KIF16B: variants seen among roughly 807,000 people sequenced by gnomAD.
The protein encoded by KIF16B is kinesin-like protein KIF16B.
KIF16B carries 98 observed loss-of-function variants against 156.3 expected under a neutral mutation model. That is an observed-to-expected ratio of 0.63 (90% CI 0.53 to 0.74). The LOEUF (loss-of-function observed/expected upper bound fraction) is 0.74. Among genes scored for constraint, KIF16B ranks in the 30% least tolerant of loss-of-function variants. The pLI, the probability that KIF16B is intolerant of heterozygous loss-of-function variation, is 0.00. For synonymous variants in KIF16B, 564 were observed against 583.7 expected (o/e 0.97, Z 0.49); for missense variants, 1,421 against 1,606.5 (o/e 0.88, Z 1.97).
intron 1 of KIF16B, among the ~76,000 whole-genome samples, chr20:16,547,454 C>T (rs2070457138): frequency 6.6e-6 from 1 of 152,178 alleles, no homozygotes; most frequent in African/African-American, 2.4e-5. Context: ...AAAGTTAGTC[C>T]AAAAAAGAAG....
intron 24 of KIF16B, among the ~76,000 whole-genome samples, chr20:16,323,320 G>T (rs2122811846): frequency 6.6e-6 from 1 of 152,050 alleles, no homozygotes; most frequent in Non-Finnish European, 1.5e-5. Flanking sequence ...AGCAGCTTTT[G>T]AAACATCTGC....
chr20:16,373,514 A>G (rs940545172), intron 20 of KIF16B, among the ~76,000 whole-genome samples: 3 of 152,206 alleles, frequency 2.0e-5, no homozygotes, highest in African/African-American at 7.2e-5. Context: ...TAAGTTGAAA[A>G]TCACTTAACT....
chr20:16,423,448 A>G (rs1600357928), intron 15 of KIF16B, among the ~76,000 whole-genome samples: 1 of 152,256 alleles, frequency 6.6e-6, no homozygotes, highest in East Asian at 1.9e-4. Context: ...ACAAGGAGTT[A>G]TGTTATATGG....
At chr20:16,563,813 G>C (rs753116436) in intron 1 of KIF16B, among the ~76,000 whole-genome samples, 1 of 151,972 alleles carries the variant, frequency 6.6e-6, no homozygotes, top group Non-Finnish European at 1.5e-5. Context: ...TTGTATAAGT[G>C]TATTTTGCAC....
At chr20:16,305,150 A>C (rs1396783268) in intron 25 of KIF16B, among the ~76,000 whole-genome samples, 3 of 152,148 alleles carry the variant, frequency 2.0e-5, no homozygotes, top group Admixed American at 2.0e-4. Context: ...AAAATAAAAG[A>C]AAAGCAGTTA....
intron 17 of KIF16B, among the ~76,000 whole-genome samples, chr20:16,396,873 G>T (rs900332172): frequency 6.7e-6 from 1 of 149,094 alleles, no homozygotes; most frequent in African/African-American, 2.5e-5. Context: ...CTCCTTCAAT[G>T]GCTCACCAGA....
chr20:16,285,909 G>A (rs2063215956), intron 25 of KIF16B, among the ~76,000 whole-genome samples: 2 of 152,138 alleles, frequency 1.3e-5, no homozygotes, highest in Admixed American at 1.3e-4. Flanking sequence ...AGGTACATAA[G>A]CAACATACTC....
intron 25 of KIF16B, among the ~76,000 whole-genome samples, chr20:16,293,295 G>C (rs1183688745): frequency 6.6e-6 from 1 of 152,176 alleles, no homozygotes; most frequent in Non-Finnish European, 1.5e-5. Context: ...CTGCTCTATG[G>C]GTTTTTGGTA....
chr20:16,488,808 T>C (rs2068199937), intron 12 of KIF16B, among the ~76,000 whole-genome samples: 1 of 152,086 alleles, frequency 6.6e-6, no homozygotes, highest in Admixed American at 6.6e-5. Flanking sequence ...TTAGCCAGGA[T>C]GAAAATCACA....
intron 1 of KIF16B, among the ~76,000 whole-genome samples, chr20:16,550,994 T>C (rs1449165787): frequency 6.6e-6 from 1 of 152,204 alleles, no homozygotes; most frequent in East Asian, 1.9e-4. Context: ...TGCTGGCTGA[T>C]GTGATGAAAA....
intron 23 of KIF16B, among the ~76,000 whole-genome samples, chr20:16,351,129 C>A (rs1025604494): frequency 5.3e-5 from 8 of 152,058 alleles, no homozygotes; most frequent in Non-Finnish European, 5.9e-5. Context: ...AACTCTTCTG[C>A]CGATTACTTC....
intron 1 of KIF16B, among the ~76,000 whole-genome samples, chr20:16,536,478 T>C (rs2069970250): frequency 1.3e-5 from 2 of 152,148 alleles, no homozygotes; most frequent in African/African-American, 4.8e-5. Flanking sequence ...TCAGAATAGC[T>C]AGAAAAGAGG....
intron 12 of KIF16B, among the ~76,000 whole-genome samples, chr20:16,434,825 T>A (rs930905312): frequency 4.6e-5 from 7 of 152,120 alleles, no homozygotes; most frequent in Admixed American, 1.3e-4. Flanking sequence ...CGAGTAGAAT[T>A]TTGTAGAGTT....
At chr20:16,381,854 G>A in intron 17 of KIF16B, 107 bp from the exon 18 acceptor site, 1 of 952,196 alleles carries the variant, frequency 1.1e-6, no homozygotes, top group Non-Finnish European at 1.6e-6. Flanking sequence ...AGTTTTTCAA[G>A]TATTACTTTT....
chr20:16,566,229 G>T (rs1325064317), intron 1 of KIF16B, among the ~76,000 whole-genome samples: 1 of 152,174 alleles, frequency 6.6e-6, no homozygotes, highest in African/African-American at 2.4e-5. Context: ...AATCGCCATG[G>T]GTCATATTTC....
chr20:16,399,033 A>T (rs1449080112), intron 17 of KIF16B, among the ~76,000 whole-genome samples: 10 of 152,224 alleles, frequency 6.6e-5, no homozygotes, highest in Admixed American at 6.5e-4. Flanking sequence ...AAAGTAATAA[A>T]GAGCAGAAGA....
rs555178031 is a variant in KIF16B, at chr20:16,371,859, C to T, written c.3351-98G>A. On this transcript the variant is annotated intron_variant, in intron 20 of 25. Transcript: ENST00000354981. ...TACGCCCTTCACAACAGGGAGCAAT[C>T]TCCTTCTAAATACCAAACCTAACAA... 521 of 764,276 alleles carry T rather than the reference C, an allele frequency of 6.8e-4. 1 individual carries two copies. Among genetic ancestry groups the T allele is most frequent in the Non-Finnish European group, 9.6e-4 (428 of 445,458 alleles). 47.3% of individuals were successfully genotyped at this position (764,276 alleles called of 1,614,324 possible).
chr20:16,279,280 G>A (rs8117278), intron 25 of KIF16B, among the ~76,000 whole-genome samples: 3 of 152,156 alleles, frequency 2.0e-5, no homozygotes, highest in South Asian at 2.1e-4. Flanking sequence ...AGCTACTAGC[G>A]CTTGGAGTCT....
chr20:16,360,791 A>G (rs2064536579), intron 22 of KIF16B, among the ~76,000 whole-genome samples: 1 of 152,222 alleles, frequency 6.6e-6, no homozygotes, highest in Admixed American at 6.5e-5. Flanking sequence ...GCAGAACATA[A>G]GGTACATTGT....
Sources: gnomAD v4.1 joint callset for allele counts (sites outside exome capture counted in the v4.1 genomes callset) on GRCh38, gnomAD v4.1.1 for gene constraint, MANE v1.5 for transcripts, NCBI Gene and HGNC (gene_info 2026-07-23, HGNC 2026-07-21) for gene names.